The following STK32B variants were observed in gnomAD, a reference collection of about 807,000 sequenced individuals.
STK32B encodes serine/threonine-protein kinase 32B.
A neutral mutation model predicts 52.6 loss-of-function variants in STK32B; 43 were observed. The ratio of observed to expected loss-of-function variants is 0.82; its 90% CI spans 0.64 to 1.05. The LOEUF (loss-of-function observed/expected upper bound fraction) is 1.05. Among genes scored for constraint, STK32B ranks in the 50% least tolerant of loss-of-function variants. STK32B has a pLI of 0.00. For synonymous variants in STK32B, 238 were observed against 204.3 expected (o/e 1.17, Z -1.41); for missense variants, 621 against 534.6 (o/e 1.16, Z -1.59).
At chr4:5,172,235 A>G (rs1577138521) in intron 3 of STK32B, among the ~76,000 whole-genome samples, 1 of 152,286 alleles carries the variant, frequency 6.6e-6, no homozygotes, top group Non-Finnish European at 1.5e-5. Context: ...TTCTAGATAT[A>G]CAATCATGTC....
chr4:5,288,192 A>G (rs377628821), intron 3 of STK32B, among the ~76,000 whole-genome samples: 14 of 152,302 alleles, frequency 9.2e-5, no homozygotes, highest in East Asian at 3.9e-4. Context: ...GAGTAATGCT[A>G]CTGGGAATAT....
intron 6 of STK32B, among the ~76,000 whole-genome samples, chr4:5,419,226 A>G (rs541870449): frequency 3.9e-4 from 59 of 152,168 alleles, no homozygotes; most frequent in Non-Finnish European, 7.1e-4. Flanking sequence ...TAACAGACCT[A>G]TCTGTTGTAT....
chr4:5,129,595 T>C (rs1463748866), intron 1 of STK32B, among the ~76,000 whole-genome samples: 5 of 152,230 alleles, frequency 3.3e-5, no homozygotes, highest in Admixed American at 3.3e-4. Flanking sequence ...TTTGTCAATT[T>C]TGGGGAACAA....
At chr4:5,312,322 T>A (rs985805632) in intron 3 of STK32B, among the ~76,000 whole-genome samples, 3 of 151,916 alleles carry the variant, frequency 2.0e-5, no homozygotes, top group African/African-American at 7.3e-5. Flanking sequence ...AGTTTTAGGG[T>A]ACATGTGCAC....
chr4:5,200,116 G>A (rs1420475924), intron 3 of STK32B, among the ~76,000 whole-genome samples: 1 of 152,126 alleles, frequency 6.6e-6, no homozygotes, highest in Non-Finnish European at 1.5e-5. Context: ...TTCATCATCT[G>A]TCAAATGGGA....
chr4:5,187,618 C>CGGG (rs1720846460), intron 3 of STK32B, among the ~76,000 whole-genome samples: 1 of 34,434 alleles, frequency 2.9e-5, no homozygotes, highest in Non-Finnish European at 5.5e-5. Flanking sequence ...AGGGGCCGGG[C>CGGG]GGGGGAGGGG....
chr4:5,425,094 C>T (rs35045650), intron 6 of STK32B, among the ~76,000 whole-genome samples: 23,116 of 152,156 alleles, frequency 0.15, 2,403 homozygotes, highest in East Asian at 0.41. Context: ...GTGCAGTGGC[C>T]GGACCCCATG....
intron 7 of STK32B, among the ~76,000 whole-genome samples, chr4:5,448,406 AGGAACCAGAACACACC>A (rs938022759): frequency 3.9e-5 from 6 of 152,338 alleles, no homozygotes; most frequent in Admixed American, 3.9e-4. Context: ...ACGATGTCGT[AGGAACCAGAACACACC>A]GGCATCCGCC....
Position 5,416,833 on chromosome 4 carries a change from C to T in STK32B, c.473-12C>T. ...CCCACGCTAACTGGAGTTTCTGTTTCTGTATTTGCAGGACATGTTCACATT... is the reference window on the plus strand; with the variant it reads ...CCCACGCTAACTGGAGTTTCTGTTTTTGTATTTGCAGGACATGTTCACATT... On this transcript the variant is annotated splice_polypyrimidine_tract_variant and intron_variant, in intron 5 of 11. Coordinates refer to ENST00000282908, the MANE Select transcript of STK32B (RefSeq NM_018401.3). 1 of 1,612,284 alleles carries T rather than the reference C, an allele frequency of 6.2e-7. No individual in the cohort carries two copies. Among genetic ancestry groups the T allele is most frequent in the Non-Finnish European group, 8.5e-7 (1 of 1,179,212 alleles).
At chr4:5,259,194 T>C (rs1439925823) in intron 3 of STK32B, among the ~76,000 whole-genome samples, 3 of 152,210 alleles carry the variant, frequency 2.0e-5, no homozygotes, top group Non-Finnish European at 4.4e-5. Context: ...AGAATCAACA[T>C]TATATATTTA....
At chr4:5,150,293 A>G (rs1459614489) in intron 2 of STK32B, among the ~76,000 whole-genome samples, 1 of 152,062 alleles carries the variant, frequency 6.6e-6, no homozygotes, top group Admixed American at 6.6e-5. Context: ...ATCATGTAGC[A>G]TAGTCATAGC....
chr4:5,388,770 A>G (rs1015338369), intron 4 of STK32B, among the ~76,000 whole-genome samples: 3 of 152,186 alleles, frequency 2.0e-5, no homozygotes, highest in Admixed American at 2.0e-4. Flanking sequence ...CAAGGGAGGG[A>G]TGTCACGGGG....
chr4:5,113,259 A>G lies in STK32B; in HGVS notation c.53-26646A>G, dbSNP rs117437908. Among the ~76,000 whole-genome samples the G allele has an allele frequency of 2.7e-3, 418 of 152,264 alleles. 8 individuals carry two copies. The East Asian group carries it at 0.041, about 15-fold the overall frequency. On this transcript the variant is annotated intron_variant, in intron 1 of 11. Transcript: ENST00000282908. ...CACCATGTGAGGACACAGCAAGAAG[A>G]TGGCTATCTATGAACCAGGAAGCAA... is the stretch of plus-strand genomic sequence containing the variant.
intron 3 of STK32B, among the ~76,000 whole-genome samples, chr4:5,199,941 C>T (rs1168503523): frequency 1.3e-5 from 2 of 152,168 alleles, no homozygotes; most frequent in Non-Finnish European, 2.9e-5. Context: ...ATGTTTGTGT[C>T]TGGCTGTGTC....
intron 2 of STK32B, among the ~76,000 whole-genome samples, chr4:5,159,998 A>G (rs1424718994): frequency 6.6e-6 from 1 of 152,040 alleles, no homozygotes; most frequent in Admixed American, 6.6e-5. Flanking sequence ...CAGGCCTTCA[A>G]CAGGTTGGAG....
intron 11 of STK32B, among the ~76,000 whole-genome samples, chr4:5,484,656 G>A (rs914328986): frequency 5.9e-5 from 9 of 152,180 alleles, no homozygotes; most frequent in Non-Finnish European, 1.2e-4. Flanking sequence ...TATTTTGCTC[G>A]TTAGTTGATG....
intron 3 of STK32B, among the ~76,000 whole-genome samples, chr4:5,291,621 A>T (rs1202708003): frequency 1.3e-5 from 2 of 152,098 alleles, no homozygotes; most frequent in Non-Finnish European, 2.9e-5. Flanking sequence ...CTTGCTTTCT[A>T]ATCTAGATGG....
rs1237762520 is a variant in STK32B, at chr4:5,222,215, C to G, written c.260+53765C>G. 2.0e-5 allele frequency among the ~76,000 whole-genome samples: 3 copies of G among 152,124 alleles called. No homozygotes were observed. In the East Asian group the frequency reaches 5.8e-4, roughly 29 times the overall value. The stretch of plus-strand genomic sequence containing the variant: ...GCTCAGATATTTTTTTACAGCAGCA[C>G]AAACAGACCAAGACAGAAATTGGTA... On this transcript the variant is annotated intron_variant, in intron 3 of 11. Coordinates refer to ENST00000282908, the MANE Select transcript of STK32B (RefSeq NM_018401.3).
chr4:5,329,328 C>T (rs1407290906), intron 3 of STK32B, among the ~76,000 whole-genome samples: 1 of 152,154 alleles, frequency 6.6e-6, no homozygotes, highest in Non-Finnish European at 1.5e-5. Flanking sequence ...TCCATGTCAC[C>T]ATGGTGACTC....
Sources: gnomAD v4.1 joint callset for allele counts (sites outside exome capture counted in the v4.1 genomes callset) on GRCh38, gnomAD v4.1.1 for gene constraint, MANE v1.5 for transcripts, NCBI Gene and HGNC (gene_info 2026-07-23, HGNC 2026-07-21) for gene names.